Variants in HMGB1 observed in about 807,000 individuals in gnomAD.
The protein encoded by HMGB1 is high mobility group protein B1.
For missense variants in HMGB1, 79 were observed against 253.5 expected, an observed-to-expected ratio of 0.31 and a Z score of 4.67; for synonymous variants, 81 against 84.0, an observed-to-expected ratio of 0.96 and a Z score of 0.19.
At chr13:30,534,336 A>C (rs1166358800) in intron 1 of HMGB1, among the ~76,000 whole-genome samples, 1 of 152,154 alleles carries the variant, frequency 6.6e-6, no homozygotes, top group African/African-American at 2.4e-5. Flanking sequence ...TTAGCCTCCC[A>C]TGGCTCCCTT....
intron 1 of HMGB1, among the ~76,000 whole-genome samples, chr13:30,502,648 A>ATTTAT (rs56283529): frequency 0.031 from 4,583 of 146,282 alleles, 235 homozygotes; most frequent in African/African-American, 0.1. Flanking sequence ...ACTTTATTTT[A>ATTTAT]TTTATTTTAT....
At chr13:30,478,074 T>C (rs977013536) in intron 1 of HMGB1, among the ~76,000 whole-genome samples, 1 of 152,250 alleles carries the variant, frequency 6.6e-6, no homozygotes, top group African/African-American at 2.4e-5. Context: ...CAGTCTAACA[T>C]AAGTACTACC....
At chr13:30,522,542 TG>T (rs1410536874) in intron 1 of HMGB1, among the ~76,000 whole-genome samples, 1 of 152,084 alleles carries the variant, frequency 6.6e-6, no homozygotes, top group Non-Finnish European at 1.5e-5. Context: ...GGGGGAGGAC[TG>T]GGTGCAGAAA....
intron 1 of HMGB1, among the ~76,000 whole-genome samples, chr13:30,474,785 T>C (rs1887030513): frequency 1.6e-5 from 2 of 126,248 alleles, no homozygotes; most frequent in Non-Finnish European, 3.2e-5. Context: ...TTTTTTGAGA[T>C]GGTTTCGCTC....
At chr13:30,589,991 AAGG>A (rs1450125280) in intron 1 of HMGB1, among the ~76,000 whole-genome samples, 1 of 152,144 alleles carries the variant, frequency 6.6e-6, no homozygotes, top group East Asian at 1.9e-4. Flanking sequence ...ATAGATAAGA[AAGG>A]AGAGAGAGAG....
intron 1 of HMGB1, among the ~76,000 whole-genome samples, chr13:30,508,738 T>G (rs1424729894): frequency 6.6e-6 from 1 of 152,154 alleles, no homozygotes; most frequent in East Asian, 1.9e-4. Context: ...CAAATTTCTC[T>G]AAATTTCCCC....
At position 30,549,295 on chromosome 13, in the gene HMGB1, A is replaced by T. The variant is rs548048726; in HGVS notation, c.-15+67376T>A. ...GAGATGCTGTCTGAATAAATAAATA[A>T]ATACGAATGTCTGACCAGATTGGGG... On this transcript the variant is annotated intron_variant, in intron 1 of 4. Coordinates refer to the HMGB1 transcript ENST00000405805. Among the ~76,000 whole-genome samples the T allele has an allele frequency of 2.0e-5, 3 of 152,290 alleles. No homozygotes were observed. In the East Asian group the frequency reaches 5.8e-4, roughly 29 times the overall value.
At chr13:30,555,889 T>C (rs1203199474) in intron 1 of HMGB1, among the ~76,000 whole-genome samples, 1 of 152,222 alleles carries the variant, frequency 6.6e-6, no homozygotes. Context: ...TAAGGATTAT[T>C]ATGCTTGAAA....
At chr13:30,567,385 C>T (rs575254902) in intron 1 of HMGB1, among the ~76,000 whole-genome samples, 1 of 147,956 alleles carries the variant, frequency 6.8e-6, no homozygotes, top group South Asian at 2.1e-4. Context: ...CACTCTGTCA[C>T]CAGGCTGGAG....
chr13:30,477,156 C>T (rs554168563), intron 1 of HMGB1, among the ~76,000 whole-genome samples: 2 of 152,260 alleles, frequency 1.3e-5, no homozygotes, highest in Admixed American at 6.5e-5. Context: ...TACTGACATA[C>T]GTTTGAAATG....
At chr13:30,464,503 G>A (rs1165809420) in intron 1 of HMGB1, 2 of 984,662 alleles carry the variant, frequency 2.0e-6, no homozygotes, top group South Asian at 4.7e-5. Flanking sequence ...GCCGGTGGCC[G>A]CGCGGCCGAG....
At chr13:30,543,117 GTTTTTTTTTTTTTTT>G (rs141061407) in intron 1 of HMGB1, 1 of 84,240 alleles carries the variant, frequency 1.2e-5, no homozygotes, top group African/African-American at 4.6e-5. Flanking sequence ...CCTGTTCCAG[GTTTTTTTTTTTTTTT>G]TTTTTTTTTT....
intron 1 of HMGB1, among the ~76,000 whole-genome samples, chr13:30,514,775 G>T (rs778229776): frequency 6.6e-6 from 1 of 152,138 alleles, no homozygotes; most frequent in Non-Finnish European, 1.5e-5. Flanking sequence ...GTAGCTGGGA[G>T]TACAGGTGTG....
chr13:30,552,211 T>C (rs1869459357), intron 1 of HMGB1, among the ~76,000 whole-genome samples: 1 of 152,222 alleles, frequency 6.6e-6, no homozygotes, highest in Admixed American at 6.5e-5. Context: ...AACATTTTGC[T>C]ACATTTGTGT....
intron 1 of HMGB1, among the ~76,000 whole-genome samples, chr13:30,592,323 C>T (rs1303962611): frequency 6.6e-6 from 1 of 151,946 alleles, no homozygotes; most frequent in Non-Finnish European, 1.5e-5. Context: ...AAATGTACAA[C>T]ACATAATTTA....
chr13:30,461,356 C>G lies in HMGB1; in HGVS notation c.*1G>C. 6.4e-7 allele frequency: 1 copy of G among 1,553,328 alleles called. No homozygotes were observed. The highest frequency in any genetic ancestry group is 1.3e-5 in the South Asian group (1 of 79,932). The stretch of plus-strand genomic sequence containing the variant: ...AAAAAAAAAACTGCGCTAGAACCAA[C>G]TTATTCATCATCATCATCTTCTTCT... On this transcript the variant is annotated 3_prime_UTR_variant, in exon 5 of 5. Transcript: ENST00000341423.
intron 1 of HMGB1, among the ~76,000 whole-genome samples, chr13:30,538,478 C>CTT (rs904602490): frequency 1.2e-4 from 4 of 32,170 alleles, no homozygotes; most frequent in Non-Finnish European, 2.3e-4. Context: ...TTCTTTCTTT[C>CTT]TTTCTTTCTT....
chr13:30,522,781 T>C (rs1234992956), intron 1 of HMGB1, among the ~76,000 whole-genome samples: 1 of 152,150 alleles, frequency 6.6e-6, no homozygotes, highest in Non-Finnish European at 1.5e-5. Flanking sequence ...GCCCTGGCTT[T>C]AGTGCAGTGG....
rs56376029 is a variant in HMGB1, at chr13:30,498,956, GTTT to G, written c.-14-35265_-14-35263del. The stretch of plus-strand genomic sequence containing the variant: ...AGCCACTGCGCCCAGCCTCTTTTTT[GTTT>G]TTTTTTTTTTTGAGAAGGAGTCTTG... On this transcript the variant is annotated intron_variant, in intron 1 of 4. Transcript: ENST00000405805. 1.3e-3 allele frequency among the ~76,000 whole-genome samples: 179 copies of G among 140,948 alleles called. 2 individuals are homozygous for G. Among genetic ancestry groups the G allele is most frequent in the African/African-American group, 3.7e-3 (139 of 37,882 alleles). The allele number at this position is 140,948 out of a possible 152,430, so 92.5% of individuals were successfully genotyped here.
Sources: gnomAD v4.1 joint callset for allele counts (sites outside exome capture counted in the v4.1 genomes callset) on GRCh38, gnomAD v4.1.1 for gene constraint, MANE v1.5 for transcripts, NCBI Gene and HGNC (gene_info 2026-07-23, HGNC 2026-07-21) for gene names.